Variants in GSK3B observed in about 807,000 individuals in gnomAD.
The protein encoded by GSK3B is glycogen synthase kinase 3 beta.
Under a neutral mutation model 56.4 loss-of-function variants are expected in GSK3B, and 15 were observed. That is an observed-to-expected ratio of 0.27 (90% CI 0.18 to 0.41). The LOEUF is 0.41. GSK3B is among the 10% of genes least tolerant of loss of function. The pLI is 1.00. For missense variants in GSK3B, 300 were observed against 513.4 expected (o/e 0.58, Z 4.02); for synonymous variants, 181 against 188.9 (o/e 0.96, Z 0.34).
intron 2 of GSK3B, among the ~76,000 whole-genome samples, chr3:119,982,560 T>C (rs530902943): frequency 2.0e-5 from 3 of 152,134 alleles, no homozygotes; most frequent in Non-Finnish European, 4.4e-5. Flanking sequence ...AAGAACGTCA[T>C]GACATATGCA....
intron 5 of GSK3B, among the ~76,000 whole-genome samples, chr3:119,913,886 TG>T (rs1317192049): frequency 5.9e-5 from 9 of 152,252 alleles, no homozygotes; most frequent in Non-Finnish European, 1.0e-4. Context: ...TACTAATCCC[TG>T]TTTTTAGGCT....
intron 1 of GSK3B, among the ~76,000 whole-genome samples, chr3:120,044,160 GCT>G (rs2058084944): frequency 6.6e-6 from 1 of 152,172 alleles, no homozygotes; most frequent in African/African-American, 2.4e-5. Flanking sequence ...ATCATGCCAA[GCT>G]CTCTCCCTGC....
At position 120,029,711 on chromosome 3, in the gene GSK3B, A is replaced by T. The variant is rs572883441; in HGVS notation, c.89-27472T>A. On this transcript the variant is annotated intron_variant, in intron 1 of 10. Transcript: ENST00000264235. ...CAGCAGAAATCTTCATGGGATGGAA[A>T]TTTTTTTATCATGCAGTGCATCCTG... 35 of 534,426 alleles carry T rather than the reference A, an allele frequency of 6.5e-5. No homozygotes were observed. In the African/African-American group the frequency reaches 6.6e-4, roughly 10 times the overall value. The allele number at this position is 534,426 out of a possible 1,614,324, so 33.1% of individuals were successfully genotyped here.
chr3:119,849,247 T>C (rs72967138), intron 9 of GSK3B, among the ~76,000 whole-genome samples: 1,541 of 152,250 alleles, frequency 0.01, 25 homozygotes, highest in African/African-American at 0.035. Flanking sequence ...TCCAACAATA[T>C]TGAACATGAA....
intron 2 of GSK3B, among the ~76,000 whole-genome samples, chr3:119,950,273 C>T (rs1406694057): frequency 1.3e-5 from 2 of 152,258 alleles, no homozygotes; most frequent in South Asian, 2.1e-4. Context: ...GTTCCTATTG[C>T]GTTACTTTAG....
In GSK3B at chr3:119,956,516, T is replaced by G. The variant is rs1184691824; in HGVS notation, c.283-9165A>C. Reference sequence around the variant, plus strand: ...AAATTCAAAATGCTCCAATGAGCACTCCCTTTAAACATCGTGTTGGTGCTC... The same window carrying G: ...AAATTCAAAATGCTCCAATGAGCACGCCCTTTAAACATCGTGTTGGTGCTC... On this transcript the variant is annotated intron_variant, in intron 2 of 10. Transcript: ENST00000264235. 3.3e-5 allele frequency among the ~76,000 whole-genome samples: 5 copies of G among 152,212 alleles called. No individual in the cohort carries two copies. In the East Asian group the frequency reaches 7.7e-4, roughly 23 times the overall value.
At chr3:119,974,933 CA>C (rs901208437) in intron 2 of GSK3B, among the ~76,000 whole-genome samples, 6 of 152,046 alleles carry the variant, frequency 3.9e-5, no homozygotes, top group African/African-American at 1.4e-4. Flanking sequence ...CACTTGTTTA[CA>C]AAACTAAACT....
intron 2 of GSK3B, among the ~76,000 whole-genome samples, chr3:119,967,049 A>T (rs1303271134): frequency 6.6e-6 from 1 of 152,170 alleles, no homozygotes; most frequent in African/African-American, 2.4e-5. Flanking sequence ...AAATTGATCT[A>T]CAGATCCACT....
At chr3:120,089,930 C>T (rs957476220) in intron 1 of GSK3B, among the ~76,000 whole-genome samples, 1 of 151,904 alleles carries the variant, frequency 6.6e-6, no homozygotes, top group Non-Finnish European at 1.5e-5. Context: ...GGATTAATGC[C>T]TAAACTCAAC....
intron 2 of GSK3B, among the ~76,000 whole-genome samples, chr3:119,993,217 C>T (rs913104971): frequency 4.7e-5 from 7 of 149,418 alleles, no homozygotes; most frequent in African/African-American, 2.5e-5. Flanking sequence ...TAAGCCAGAA[C>T]ATAATGAGGT....
At chr3:120,072,395 C>A (rs150462360) in intron 1 of GSK3B, among the ~76,000 whole-genome samples, 1 of 152,028 alleles carries the variant, frequency 6.6e-6, no homozygotes, top group Non-Finnish European at 1.5e-5. Context: ...CATGGTAGTT[C>A]GCCATGGTAG....
intron 1 of GSK3B, among the ~76,000 whole-genome samples, chr3:120,084,050 G>C (rs555980750): frequency 6.6e-6 from 1 of 152,134 alleles, no homozygotes; most frequent in Non-Finnish European, 1.5e-5. Flanking sequence ...AAAATTAGAT[G>C]GTTGGGATGG....
At chr3:120,064,871 T>C (rs1290311234) in intron 1 of GSK3B, among the ~76,000 whole-genome samples, 1 of 152,126 alleles carries the variant, frequency 6.6e-6, no homozygotes, top group Non-Finnish European at 1.5e-5. Flanking sequence ...AACTGATGAG[T>C]AATAAGAGTG....
intron 1 of GSK3B, among the ~76,000 whole-genome samples, chr3:120,003,696 A>G (rs977361358): frequency 6.6e-6 from 1 of 152,262 alleles, no homozygotes; most frequent in Non-Finnish European, 1.5e-5. Context: ...TTAAATTCAC[A>G]GAAGTATTAA....
rs1463416081 is a variant in GSK3B at position 120,093,729 on chromosome 3, G to A, written c.-295C>T. ...TTTCCTGGGAGGAGAGAAAAGAGAG[G>A]GCAAATCCTAAAAAAATATGTATCA... On this transcript the variant is annotated 5_prime_UTR_variant, in exon 1 of 11. Transcript: ENST00000264235. 9.4e-6 allele frequency: 3 copies of A among 318,700 alleles called. No individual in the cohort carries two copies. Among genetic ancestry groups the A allele is most frequent in the East Asian group, 4.6e-5 (1 of 21,522 alleles). 19.7% of individuals were successfully genotyped at this position (318,700 alleles called of 1,614,324 possible). A position where few individuals can be genotyped will look rare whatever the true frequency, so the allele number is the denominator to read the frequency against.
intron 10 of GSK3B, among the ~76,000 whole-genome samples, chr3:119,842,839 C>T (rs2108011083): frequency 6.6e-6 from 1 of 152,166 alleles, no homozygotes; most frequent in Admixed American, 6.5e-5. Flanking sequence ...TTTGGCTGTG[C>T]TGTTTTTGAT....
At position 120,081,591 on chromosome 3, in the gene GSK3B, T is replaced by G. The variant is rs145594080; in HGVS notation, c.88+11756A>C. Among the ~76,000 whole-genome samples, 5 of 152,182 alleles carry G rather than the reference T, an allele frequency of 3.3e-5. No individual in the cohort carries two copies. The East Asian group carries it at 9.7e-4, about 29-fold the overall frequency. ...CACAAATTTAACTTAATTTCTTACA[T>G]CAAAACTTAAATGTTCCTAGAAACA... On this transcript the variant is annotated intron_variant, in intron 1 of 10. Transcript: ENST00000264235.
At chr3:119,869,234 A>T (rs993364662) in intron 8 of GSK3B, among the ~76,000 whole-genome samples, 1 of 150,362 alleles carries the variant, frequency 6.7e-6, no homozygotes, top group East Asian at 1.9e-4. Flanking sequence ...AAAAAAAAAA[A>T]AAAAAAAAAA....
chr3:120,068,348 G>A lies in GSK3B; in HGVS notation c.88+24999C>T, dbSNP rs906853604. ...GGAGGTTGCAGTGAGCTGAGATCGC[G>A]CCACTGCACTCCAGCCTGGGCAACA... On this transcript the variant is annotated intron_variant, in intron 1 of 10. Transcript: ENST00000264235. Among the ~76,000 whole-genome samples, 4 of 139,778 alleles carry A rather than the reference G, an allele frequency of 2.9e-5. 1 individual carries two copies. The highest frequency in any genetic ancestry group is 8.2e-5 in the African/African-American group (3 of 36,690). The allele number at this position is 139,778 out of a possible 152,430, so 91.7% of individuals were successfully genotyped here. A position where few individuals can be genotyped will look rare whatever the true frequency, so the allele number is the denominator to read the frequency against.
Sources: allele counts gnomAD v4.1 joint callset (sites outside exome capture counted in the v4.1 genomes callset), GRCh38; gene constraint gnomAD v4.1.1; transcripts MANE v1.5; gene names NCBI Gene and HGNC (gene_info 2026-07-23, HGNC 2026-07-21).